Variants in CACNA1B observed in about 807,000 individuals in gnomAD.
CACNA1B encodes calcium voltage-gated channel subunit alpha1 B, also known as voltage-dependent N-type calcium channel subunit alpha-1B.
A neutral mutation model predicts 247.2 loss-of-function variants in CACNA1B; 70 were observed. The ratio of observed to expected loss-of-function variants is 0.28; its 90% CI spans 0.23 to 0.35. CACNA1B has a LOEUF of 0.35. CACNA1B is among the 10% of genes least tolerant of loss of function. CACNA1B has a pLI of 1.00. For synonymous variants in CACNA1B, 1,231 were observed against 1,294.4 expected, an observed-to-expected ratio of 0.95 and a Z score of 1.05; for missense variants, 2,367 against 3,197.4, an observed-to-expected ratio of 0.74 and a Z score of 6.26.
chr9:138,085,577 A>G (rs1960668381), intron 36 of CACNA1B, among the ~76,000 whole-genome samples: 1 of 151,268 alleles, frequency 6.6e-6, no homozygotes, highest in Non-Finnish European at 1.5e-5. Context: ...TCCCCGGGAC[A>G]TGTTATGGTC....
chr9:137,922,779 A>T (rs549537859), intron 6 of CACNA1B, among the ~76,000 whole-genome samples: 1 of 152,334 alleles, frequency 6.6e-6, no homozygotes, highest in South Asian at 2.1e-4. Flanking sequence ...CTTTTCTCCC[A>T]GTGGTGACAA....
intron 6 of CACNA1B, among the ~76,000 whole-genome samples, chr9:137,944,413 A>G (rs758949621): frequency 2.6e-5 from 4 of 152,164 alleles, no homozygotes; most frequent in Admixed American, 6.5e-5. Context: ...GAGAGCCTCA[A>G]GAAACTTAGC....
chr9:138,113,277 T>C (rs916747285), intron 40 of CACNA1B, among the ~76,000 whole-genome samples: 2 of 115,292 alleles, frequency 1.7e-5, no homozygotes, highest in Admixed American at 9.8e-5. Flanking sequence ...TCTTATGGGA[T>C]ACATGAGGGA....
rs200052754 is a variant in CACNA1B, at chr9:137,952,285, G to A, written c.978G>A (p.Ala326=). 114 of 1,613,668 alleles carry A rather than the reference G, an allele frequency of 7.1e-5. No individual in the cohort carries two copies. Among genetic ancestry groups the A allele is most frequent in the East Asian group, 6.5e-4 (29 of 44,876 alleles). Reference sequence around the variant, plus strand: ...CTCCTTGCTTCCAGACAAACGATGCGGCCGGCAACACCTGGAACTGGCTCT... The same window carrying A: ...CTCCTTGCTTCCAGACAAACGATGCAGCCGGCAACACCTGGAACTGGCTCT... ...WTDILYNTND[A]AGNTWNWLYF... The change falls in exon 7 of 47, where the codon GCG becomes GCA. Residue 326 remains alanine (A), a synonymous_variant. Transcript: ENST00000371372. This position sits in a 1 kb window ranked among gnomAD's most constrained non-coding sequence, Gnocchi z 4.8.
chr9:137,982,995 AAC>A (rs1408302497), intron 12 of CACNA1B, among the ~76,000 whole-genome samples: 1 of 152,180 alleles, frequency 6.6e-6, no homozygotes, highest in African/African-American at 2.4e-5. Context: ...CATGCTGGTT[AAC>A]AGATTAGTGT....
chr9:137,888,439 C>G lies in CACNA1B; in HGVS notation c.530+5556C>G, dbSNP rs1162473381. ...GGGTCAGGGACATGGGCAGGGCCCC[C>G]AGAACCCCAAAGCCCTGCGCGTCCC... On this transcript the variant is annotated intron_variant, in intron 3 of 46. Transcript: ENST00000371372. The surrounding 1 kb of genome is among the most constrained non-coding windows in gnomAD (Gnocchi z 4.7). 6.6e-6 allele frequency among the ~76,000 whole-genome samples: 1 copy of G among 152,218 alleles called. No individual in the cohort carries two copies. The highest frequency in any genetic ancestry group is 2.4e-5 in the African/African-American group (1 of 41,468).
chr9:138,047,097 G>T, intron 22 of CACNA1B, 64 bp downstream of exon 22: 4 of 1,475,454 alleles, frequency 2.7e-6, no homozygotes, highest in Non-Finnish European at 3.7e-6. Flanking sequence ...GCCTTCCCAG[G>T]GGCCCAAGGG....
At chr9:137,977,899 G>A (rs1172040012) in intron 12 of CACNA1B, among the ~76,000 whole-genome samples, 2 of 151,664 alleles carry the variant, frequency 1.3e-5, no homozygotes, top group Admixed American at 6.6e-5. Flanking sequence ...TAACAGGCGG[G>A]TGCACTACCC....
chr9:138,041,758 ATTAT>A (rs779373803), intron 20 of CACNA1B, among the ~76,000 whole-genome samples: 14 of 152,168 alleles, frequency 9.2e-5, no homozygotes, highest in South Asian at 2.1e-4. Context: ...AAGTTAATTA[ATTAT>A]TTATTTATTT....
rs1254054973 is a variant in CACNA1B at position 138,023,218 on chromosome 9, C to T, written c.2475C>T (p.Gly825=). ...TGGTGGTGGAGCTGGGCCGCGACGGCGCGCGGGGGCCCGTGGGAGGCAAAG... is the reference window on the plus strand; with the variant it reads ...TGGTGGTGGAGCTGGGCCGCGACGGTGCGCGGGGGCCCGTGGGAGGCAAAG... ...RPLVVELGRD[G]ARGPVGGKAR... The change falls in exon 19 of 47, where the codon GGC becomes GGT. Residue 825 remains glycine, a synonymous_variant. Transcript: ENST00000371372. The T allele has an allele frequency of 6.6e-7, 1 of 1,510,504 alleles. No individual in the cohort carries two copies. The highest frequency in any genetic ancestry group is 1.4e-5 in the African/African-American group (1 of 69,924). 93.6% of individuals were successfully genotyped at this position (1,510,504 alleles called of 1,614,324 possible). A position where few individuals can be genotyped will look rare whatever the true frequency, so the allele number is the denominator to read the frequency against.
chr9:138,114,711 A>G (rs910031074), intron 41 of CACNA1B, among the ~76,000 whole-genome samples: 86 of 152,266 alleles, frequency 5.6e-4, no homozygotes, highest in African/African-American at 1.9e-3. Flanking sequence ...AGCTCCTGAC[A>G]TAGAAAGTCA....
At position 137,886,159 on chromosome 9, in the gene CACNA1B, C is replaced by T. The variant is rs544445617; in HGVS notation, c.530+3276C>T. ...GCCCAGGAGTGAGGCTTCCCTTCCCCGGCTTCCAATAACACCGTGCTACCA... is the reference window on the plus strand; with the variant it reads ...GCCCAGGAGTGAGGCTTCCCTTCCCTGGCTTCCAATAACACCGTGCTACCA... On this transcript the variant is annotated intron_variant, in intron 3 of 46. Transcript: ENST00000371372. 6.9e-3 allele frequency among the ~76,000 whole-genome samples: 1,047 copies of T among 152,150 alleles called. 10 individuals carry two copies. The highest frequency in any genetic ancestry group is 0.024 in the African/African-American group (1,004 of 41,500).
At chr9:138,048,779 G>A (rs530815093) in intron 23 of CACNA1B, among the ~76,000 whole-genome samples, 13 of 152,160 alleles carry the variant, frequency 8.5e-5, no homozygotes, top group East Asian at 1.9e-4. Context: ...GTATGGTGGC[G>A]TGATCTCAGC....
At chr9:137,963,714 C>T (rs967305563) in intron 10 of CACNA1B, among the ~76,000 whole-genome samples, 6 of 152,020 alleles carry the variant, frequency 3.9e-5, no homozygotes, top group South Asian at 2.1e-4. Flanking sequence ...GGTATTGTTA[C>T]GTGTGGATTT....
chr9:137,984,251 G>C lies in CACNA1B; in HGVS notation c.1769+1G>C. ...TGCTGAGGATCTTCAAAGTCACGAA[G>C]TACGTCCCCTGCGCTCCCAGGCGAG... On this transcript the variant is annotated splice_donor_variant, in intron 13 of 46. Coordinates refer to ENST00000371372, the MANE Select transcript of CACNA1B (RefSeq NM_000718.4). LOFTEE classifies it high-confidence loss of function. 1 of 1,577,308 alleles carries C rather than the reference G, an allele frequency of 6.3e-7. No homozygotes were observed. The highest frequency in any genetic ancestry group is 8.6e-7 in the Non-Finnish European group (1 of 1,160,500).
chr9:138,043,094 A>C (rs1959145817), intron 20 of CACNA1B, among the ~76,000 whole-genome samples: 1 of 152,212 alleles, frequency 6.6e-6, no homozygotes, highest in South Asian at 2.1e-4. Context: ...TACCTAAAAA[A>C]ACAAGGTGGC....
intron 6 of CACNA1B, among the ~76,000 whole-genome samples, chr9:137,923,758 A>T (rs1283005601): frequency 6.6e-6 from 1 of 152,202 alleles, no homozygotes; most frequent in Admixed American, 6.5e-5. Context: ...TTACATTTCC[A>T]CCAGTGGTGT....
At chr9:137,941,840 C>T (rs1035214116) in intron 6 of CACNA1B, among the ~76,000 whole-genome samples, 8 of 152,114 alleles carry the variant, frequency 5.3e-5, no homozygotes, top group African/African-American at 1.9e-4. Context: ...CAAGATGGAT[C>T]AAGGACTTAT....
Position 137,917,118 on chromosome 9 carries a change from G to A in CACNA1B, c.776-123G>A. On this transcript the variant is annotated intron_variant, in intron 5 of 46. Transcript: ENST00000371372. This position sits in a 1 kb window ranked among gnomAD's most constrained non-coding sequence, Gnocchi z 5.5. Reference sequence around the variant, plus strand: ...AGGGATGGTGGGAAGTTGAGGGAGAGTTTCTGTTGGTGGCTGGTTCCTGCC... The same window carrying A: ...AGGGATGGTGGGAAGTTGAGGGAGAATTTCTGTTGGTGGCTGGTTCCTGCC... 6.2e-6 allele frequency: 5 copies of A among 808,200 alleles called. No homozygotes were observed. Among genetic ancestry groups the A allele is most frequent in the Admixed American group, 5.7e-5 (2 of 35,302 alleles). The allele number at this position is 808,200 out of a possible 1,614,324, so 50.1% of individuals were successfully genotyped here.
Sources: allele counts gnomAD v4.1 joint callset (sites outside exome capture counted in the v4.1 genomes callset), GRCh38; gene constraint gnomAD v4.1.1; non-coding constraint Gnocchi (gnomAD v3.1); transcripts MANE v1.5; gene names NCBI Gene and HGNC (gene_info 2026-07-23, HGNC 2026-07-21).